The following FRMD3 variants were observed in gnomAD, a reference collection of about 807,000 sequenced individuals.
FRMD3 encodes the protein FERM domain-containing protein 3.
FRMD3 carries 33 observed loss-of-function variants against 70.2 expected under a neutral mutation model. The ratio of observed to expected loss-of-function variants is 0.47; its 90% CI spans 0.36 to 0.63. The LOEUF is 0.63. Ranked by LOEUF, FRMD3 falls within the 20% of genes least tolerant of loss-of-function variation. The probability of loss-of-function intolerance (pLI) is 0.00; values close to 1 mark genes in which losing one functional copy is unlikely to be tolerated. For missense variants in FRMD3, 632 were observed against 711.4 expected (o/e 0.89, Z 1.27); for synonymous variants, 279 against 255.9 (o/e 1.09, Z -0.86).
At chr9:83,329,959 T>C (rs1564018597) in intron 6 of FRMD3, among the ~76,000 whole-genome samples, 1 of 152,206 alleles carries the variant, frequency 6.6e-6, no homozygotes, top group Non-Finnish European at 1.5e-5. Context: ...AATCTTATTC[T>C]TGATCTTAAA....
chr9:83,303,246 T>C (rs1380224625), intron 10 of FRMD3, among the ~76,000 whole-genome samples: 2 of 152,180 alleles, frequency 1.3e-5, no homozygotes, highest in African/African-American at 4.8e-5. Context: ...ACCTTTAATA[T>C]ACAATTCATT....
chr9:83,468,967 A>C (rs1828201562), intron 1 of FRMD3, among the ~76,000 whole-genome samples: 1 of 152,188 alleles, frequency 6.6e-6, no homozygotes, highest in Non-Finnish European at 1.5e-5. Context: ...TGACCAAATG[A>C]ATGTATCCAA....
chr9:83,335,595 T>C lies in FRMD3; in HGVS notation c.517A>G (p.Ile173Val), dbSNP rs111374752. ...TTGGGGAAAATCTCAAACTCACTGA[T>C]GTAATTCTCAGGATGCTCATCAGGA... Reference protein sequence around the residue: ...YDPDEHPENYISEFEIFPKQS... With the variant: ...YDPDEHPENYVSEFEIFPKQS... Residue 173 changes from isoleucine (I) to valine (V), a missense_variant, in exon 6 of 14, where the codon ATC (isoleucine) becomes GTC (valine). By Grantham distance (29) the Ile-to-Val change is conservative (BLOSUM62 3). Coordinates refer to ENST00000304195, the MANE Select transcript of FRMD3 (RefSeq NM_174938.6). 4.8e-5 allele frequency: 78 copies of C among 1,613,242 alleles called. 1 individual carries two copies. Among genetic ancestry groups the C allele is most frequent in the African/African-American group, 1.7e-4 (13 of 75,004 alleles).
chr9:83,396,041 G>C (rs1011217802), intron 1 of FRMD3, among the ~76,000 whole-genome samples: 1 of 152,086 alleles, frequency 6.6e-6, no homozygotes, highest in Non-Finnish European at 1.5e-5. Flanking sequence ...AACCCATTGG[G>C]GTAGTTAATA....
chr9:83,386,083 C>T (rs1358550991), intron 2 of FRMD3, among the ~76,000 whole-genome samples: 1 of 152,136 alleles, frequency 6.6e-6, no homozygotes, highest in Non-Finnish European at 1.5e-5. Context: ...ATCTTTCATT[C>T]TCATATCAAC....
In FRMD3 at chr9:83,246,137, T is replaced by A. The variant is rs4877744; in HGVS notation, c.*1781A>T. On this transcript the variant is annotated 3_prime_UTR_variant, in exon 14 of 14. Coordinates refer to ENST00000304195, the MANE Select transcript of FRMD3 (RefSeq NM_174938.6). ...GCTCCACTGAGTGAGTGGAAATGTA[T>A]TGCCCAATTTAGAAATCATGCTAAT... 791,171 of 983,752 alleles carry A rather than the reference T, an allele frequency of 0.8. 318,605 individuals are homozygous for A. The highest frequency in any genetic ancestry group is 0.96 in the East Asian group (8,383 of 8,724). 60.9% of individuals were successfully genotyped at this position (983,752 alleles called of 1,614,324 possible).
At chr9:83,581,501 C>T in the FRMD3 span, among the ~76,000 whole-genome samples, 8 of 152,166 alleles carry the variant, frequency 5.3e-5, no homozygotes, top group Non-Finnish European at 1.2e-4. Context: ...CCCTAATACA[C>T]TGTTGATGGG....
In FRMD3 at chr9:83,466,042, G is replaced by A. The variant is rs532950248; in HGVS notation, c.147+72043C>T. 4.6e-5 allele frequency among the ~76,000 whole-genome samples: 7 copies of A among 152,304 alleles called. No individual in the cohort carries two copies. The South Asian group carries it at 1.5e-3, about 32-fold the overall frequency. On this transcript the variant is annotated intron_variant, in intron 1 of 13. Transcript: ENST00000304195. ...ACATCCACCAACAGCTGGGCTTCCTGCAGCACCTGGGTTCATCAATACCCC... is the reference window on the plus strand; with the variant it reads ...ACATCCACCAACAGCTGGGCTTCCTACAGCACCTGGGTTCATCAATACCCC...
chr9:83,548,211 T>C, the FRMD3 span, among the ~76,000 whole-genome samples: 1 of 152,220 alleles, frequency 6.6e-6, no homozygotes, highest in East Asian at 1.9e-4. Flanking sequence ...GTAGCACCTA[T>C]GCAACTAGGT....
At chr9:83,515,882 G>A (rs1470273005) in intron 1 of FRMD3, among the ~76,000 whole-genome samples, 3 of 152,254 alleles carry the variant, frequency 2.0e-5, no homozygotes, top group Non-Finnish European at 1.5e-5. Flanking sequence ...TTCATTAAGT[G>A]AAGGAGAAAT....
At chr9:83,243,264 AAAG>A, downstream of FRMD3, 1 of 1,540,530 alleles carries the variant, frequency 6.5e-7, no homozygotes, top group Non-Finnish European at 8.8e-7. Context: ...GGGAGAGAGA[AAAG>A]AAGCAGGAGG....
chr9:83,550,111 T>C, the FRMD3 span, among the ~76,000 whole-genome samples: 2 of 152,194 alleles, frequency 1.3e-5, no homozygotes, highest in Non-Finnish European at 2.9e-5. Context: ...TATTTTATCT[T>C]GAGTTGACGT....
the FRMD3 span, among the ~76,000 whole-genome samples, chr9:83,549,825 G>T: frequency 6.6e-6 from 1 of 151,978 alleles, no homozygotes; most frequent in Admixed American, 6.6e-5. Context: ...ATTTGTTTAA[G>T]TTCCTTATAG....
At chr9:83,369,075 G>C (rs1414022497) in intron 3 of FRMD3, among the ~76,000 whole-genome samples, 1 of 151,944 alleles carries the variant, frequency 6.6e-6, no homozygotes, top group Non-Finnish European at 1.5e-5. Flanking sequence ...GGATGGTCTC[G>C]ATCTCCTGAC....
At chr9:83,273,033 C>G (rs538351494) in intron 13 of FRMD3, among the ~76,000 whole-genome samples, 68 of 113,658 alleles carry the variant, frequency 6.0e-4, no homozygotes, top group African/African-American at 2.5e-3. Context: ...ACCCAGCCAG[C>G]TGCCCCGTCC....
At chr9:83,544,077 T>C in the FRMD3 span, among the ~76,000 whole-genome samples, 1 of 152,252 alleles carries the variant, frequency 6.6e-6, no homozygotes, top group African/African-American at 2.4e-5. Context: ...GTGGCAGCAT[T>C]CCTGCAGCAA....
At chr9:83,585,202 C>T in the FRMD3 span, among the ~76,000 whole-genome samples, 2 of 152,036 alleles carry the variant, frequency 1.3e-5, no homozygotes, top group African/African-American at 2.4e-5. Context: ...AGGATGCCAC[C>T]GCCAGAGCTC....
chr9:83,377,219 T>C (rs1442513784), intron 2 of FRMD3, among the ~76,000 whole-genome samples: 3 of 152,130 alleles, frequency 2.0e-5, no homozygotes, highest in Non-Finnish European at 4.4e-5. Context: ...ATAAAAAATA[T>C]AAACATTATC....
intron 1 of FRMD3, among the ~76,000 whole-genome samples, chr9:83,511,894 A>G (rs930660301): frequency 6.6e-6 from 1 of 152,180 alleles, no homozygotes; most frequent in African/African-American, 2.4e-5. Flanking sequence ...ACTCACCTGG[A>G]ATGCAGAAAC....
Sources: gnomAD v4.1 joint callset for allele counts (sites outside exome capture counted in the v4.1 genomes callset) on GRCh38, gnomAD v4.1.1 for gene constraint, MANE v1.5 for transcripts, NCBI Gene and HGNC (gene_info 2026-07-23, HGNC 2026-07-21) for gene names.